The following GDAP1 variants were observed in gnomAD, a reference collection of about 807,000 sequenced individuals.
GDAP1 encodes ganglioside induced differentiation associated protein 1.
In GDAP1, 34 loss-of-function variants were observed where a neutral mutation model predicts 40.1. The observed-to-expected ratio is 0.85, with a 90% CI of 0.64 to 1.13. The LOEUF (loss-of-function observed/expected upper bound fraction) is 1.13. GDAP1 is among the 50% of genes most tolerant of loss of function. The pLI is 0.00. For missense variants in GDAP1, 374 were observed against 433.7 expected, an observed-to-expected ratio of 0.86 and a Z score of 1.22; for synonymous variants, 170 against 157.4, an observed-to-expected ratio of 1.08 and a Z score of -0.60.
chr8:74,483,758 T>G (rs984146214), intron 2 of GDAP1, among the ~76,000 whole-genome samples: 2 of 152,180 alleles, frequency 1.3e-5, no homozygotes, highest in Non-Finnish European at 2.9e-5. Flanking sequence ...TAACTCCAGT[T>G]ATATTGGAAT....
chr8:74,374,827 C>T (rs544082581), intron 2 of GDAP1, among the ~76,000 whole-genome samples: 1 of 152,052 alleles, frequency 6.6e-6, no homozygotes, highest in Non-Finnish European at 1.5e-5. Context: ...CATATATCCA[C>T]TAAACAAATT....
intron 2 of GDAP1, among the ~76,000 whole-genome samples, chr8:74,486,065 A>T (rs1806772471): frequency 6.6e-6 from 1 of 152,128 alleles, no homozygotes; most frequent in Non-Finnish European, 1.5e-5. Flanking sequence ...CATGTTAGCA[A>T]GACTTAGGCT....
At chr8:74,395,924 C>G (rs1278982269) in intron 2 of GDAP1, among the ~76,000 whole-genome samples, 1 of 152,130 alleles carries the variant, frequency 6.6e-6, no homozygotes, top group Middle Eastern at 3.2e-3. Context: ...GGTTTACAAG[C>G]TAGTGGTAAC....
intron 2 of GDAP1, among the ~76,000 whole-genome samples, chr8:74,437,232 G>C (rs1806103783): frequency 6.6e-6 from 1 of 152,194 alleles, no homozygotes; most frequent in East Asian, 1.9e-4. Context: ...ATAGCTGTCT[G>C]AGATCTTAGA....
intron 2 of GDAP1, among the ~76,000 whole-genome samples, chr8:74,417,784 A>G (rs983537211): frequency 4.1e-5 from 5 of 122,658 alleles, no homozygotes; most frequent in African/African-American, 1.7e-4. Flanking sequence ...AAAAAAGGAA[A>G]AGAAAAAGAA....
At chr8:74,437,791 T>C (rs1439835180) in intron 2 of GDAP1, among the ~76,000 whole-genome samples, 1 of 152,232 alleles carries the variant, frequency 6.6e-6, no homozygotes, top group Non-Finnish European at 1.5e-5. Context: ...TTTAAGCACA[T>C]GGTACGTGTA....
chr8:74,486,002 T>C (rs2128721990), intron 2 of GDAP1, among the ~76,000 whole-genome samples: 1 of 152,246 alleles, frequency 6.6e-6, no homozygotes, highest in Middle Eastern at 3.4e-3. Context: ...GGGGCAGCAA[T>C]TCTCTCTTTA....
At chr8:74,414,518 C>CA (rs1355985754) in intron 2 of GDAP1, among the ~76,000 whole-genome samples, 4 of 149,800 alleles carry the variant, frequency 2.7e-5, no homozygotes, top group Admixed American at 6.6e-5. Flanking sequence ...AAACCCACCC[C>CA]AAGGTCATTG....
At chr8:74,455,489 C>T (rs1806325413) in intron 2 of GDAP1, among the ~76,000 whole-genome samples, 1 of 151,902 alleles carries the variant, frequency 6.6e-6, no homozygotes, top group African/African-American at 2.4e-5. Context: ...AAAGAATCTA[C>T]AAAATGTACT....
intron 2 of GDAP1, among the ~76,000 whole-genome samples, chr8:74,357,025 T>A (rs1056321364): frequency 6.6e-6 from 1 of 152,120 alleles, no homozygotes; most frequent in African/African-American, 2.4e-5. Flanking sequence ...TATTATTGAA[T>A]TTTTTAAAAA....
chr8:74,455,538 T>C (rs183660996), intron 2 of GDAP1, among the ~76,000 whole-genome samples: 1 of 152,104 alleles, frequency 6.6e-6, no homozygotes, highest in Non-Finnish European at 1.5e-5. Flanking sequence ...ATTTAACACA[T>C]AATTATTAGA....
At chr8:74,445,616 T>C (rs1806217851) in intron 2 of GDAP1, among the ~76,000 whole-genome samples, 1 of 152,184 alleles carries the variant, frequency 6.6e-6, no homozygotes, top group Non-Finnish European at 1.5e-5. Flanking sequence ...TTTAGATCAT[T>C]TCTAGTTTCT....
intron 2 of GDAP1, among the ~76,000 whole-genome samples, chr8:74,353,607 G>C (rs748457068): frequency 6.6e-6 from 1 of 152,174 alleles, no homozygotes; most frequent in Non-Finnish European, 1.5e-5. Context: ...ACGGGGAAAA[G>C]TGAATTCTAC....
At chr8:74,460,102 A>T (rs898851807) in intron 2 of GDAP1, among the ~76,000 whole-genome samples, 1 of 152,192 alleles carries the variant, frequency 6.6e-6, no homozygotes, top group East Asian at 1.9e-4. Context: ...ATAATTTGGG[A>T]TGCATAAAAC....
intron 2 of GDAP1, among the ~76,000 whole-genome samples, chr8:74,429,574 C>G (rs1806000856): frequency 6.6e-6 from 1 of 152,120 alleles, no homozygotes; most frequent in Non-Finnish European, 1.5e-5. Flanking sequence ...TGATGGCCAT[C>G]TTCAGATGTC....
Position 74,411,780 on chromosome 8 carries a change from AC to A in GDAP1, c.165+60460del, listed in dbSNP as rs1384997483. Among the ~76,000 whole-genome samples the A allele has an allele frequency of 1.7e-4, 26 of 148,900 alleles. 2 individuals carry two copies. Among genetic ancestry groups the A allele is most frequent in the African/African-American group, 6.7e-4 (26 of 38,696 alleles). ...GCCTGTAGTCCTAGCTACTTGGGACACTGAGGTAGGAGGATCACTTGAGCCT... is the reference window on the plus strand; with the variant it reads ...GCCTGTAGTCCTAGCTACTTGGGACATGAGGTAGGAGGATCACTTGAGCCT... On this transcript the variant is annotated intron_variant, in intron 2 of 2. Transcript: ENST00000523640.
At chr8:74,371,922 C>T (rs567354824) in intron 2 of GDAP1, among the ~76,000 whole-genome samples, 1 of 149,146 alleles carries the variant, frequency 6.7e-6, no homozygotes, top group Non-Finnish European at 1.5e-5. Context: ...ACCCCTCCCC[C>T]CCCACCCCAT....
chr8:74,382,858 C>A (rs1215802593), intron 2 of GDAP1, among the ~76,000 whole-genome samples: 1 of 151,912 alleles, frequency 6.6e-6, no homozygotes, highest in African/African-American at 2.4e-5. Context: ...TTTTGTCTAT[C>A]TTTTATTTCA....
intron 2 of GDAP1, among the ~76,000 whole-genome samples, chr8:74,391,578 T>C (rs192092344): frequency 6.6e-6 from 1 of 151,802 alleles, no homozygotes; most frequent in Non-Finnish European, 1.5e-5. Flanking sequence ...TCACCCACCT[T>C]CTGCGTTGAT....
Sources: gnomAD v4.1 joint callset for allele counts (sites outside exome capture counted in the v4.1 genomes callset) on GRCh38, gnomAD v4.1.1 for gene constraint, MANE v1.5 for transcripts, NCBI Gene and HGNC (gene_info 2026-07-23, HGNC 2026-07-21) for gene names.